Variants in SNX29 observed in about 807,000 individuals in gnomAD.
SNX29 encodes the protein sorting nexin-29.
SNX29 carries 78 observed loss-of-function variants against 102.1 expected under a neutral mutation model. The observed-to-expected ratio is 0.76, with a 90% CI of 0.64 to 0.92. The LOEUF (loss-of-function observed/expected upper bound fraction) is 0.92. Among genes scored for constraint, SNX29 ranks in the 40% least tolerant of loss-of-function variants. The pLI is 0.00. For missense variants in SNX29, 1,280 were observed against 1,061.7 expected, an observed-to-expected ratio of 1.21 and a Z score of -2.86; for synonymous variants, 580 against 414.5, an observed-to-expected ratio of 1.40 and a Z score of -4.85.
At chr16:12,551,670 C>T (rs2077984821) in intron 20 of SNX29, among the ~76,000 whole-genome samples, 1 of 152,176 alleles carries the variant, frequency 6.6e-6, no homozygotes, top group African/African-American at 2.4e-5. Context: ...CGTTCCTGTG[C>T]AGTAGGATAA....
intron 14 of SNX29, among the ~76,000 whole-genome samples, chr16:12,215,826 C>T (rs1385898231): frequency 1.3e-5 from 2 of 152,198 alleles, no homozygotes; most frequent in Non-Finnish European, 2.9e-5. Context: ...CCAATTAAGC[C>T]AAGCAAGGCT....
At chr16:12,525,130 G>A (rs193046581) in intron 20 of SNX29, among the ~76,000 whole-genome samples, 5 of 152,048 alleles carry the variant, frequency 3.3e-5, no homozygotes, top group Admixed American at 6.5e-5. Context: ...TTCGATCAAG[G>A]GAAGATTAAT....
At chr16:12,527,454 A>C (rs1265298099) in intron 20 of SNX29, 6 of 428,966 alleles carry the variant, frequency 1.4e-5, no homozygotes, top group Admixed American at 3.4e-5. Flanking sequence ...TGGTTCTTTC[A>C]AATGTTGATT....
chr16:12,163,539 T>C (rs830698), intron 13 of SNX29, among the ~76,000 whole-genome samples: 63,251 of 151,940 alleles, frequency 0.42, 16,772 homozygotes, highest in African/African-American at 0.76. Context: ...GCAGCACCGA[T>C]GAATTCACAT....
chr16:12,243,693 T>G (rs1317535003), intron 14 of SNX29, among the ~76,000 whole-genome samples: 2 of 152,164 alleles, frequency 1.3e-5, no homozygotes, highest in Non-Finnish European at 2.9e-5. Context: ...GTCCATCCAT[T>G]TAGAAGACAT....
intron 17 of SNX29, among the ~76,000 whole-genome samples, chr16:12,400,484 G>T (rs1333957207): frequency 6.6e-6 from 1 of 152,164 alleles, no homozygotes; most frequent in African/African-American, 2.4e-5. Flanking sequence ...TCTAGACTCA[G>T]TGCTCTCCAC....
chr16:12,314,548 A>G (rs967731434), intron 15 of SNX29, among the ~76,000 whole-genome samples: 2 of 152,206 alleles, frequency 1.3e-5, no homozygotes, highest in Middle Eastern at 3.2e-3. Context: ...GTGAGGACTA[A>G]ATGAGTTAGT....
At chr16:12,131,116 T>C (rs895418199) in intron 13 of SNX29, among the ~76,000 whole-genome samples, 1 of 152,218 alleles carries the variant, frequency 6.6e-6, no homozygotes, top group Non-Finnish European at 1.5e-5. Flanking sequence ...TCTGCAGCAG[T>C]GTGGGAGAGG....
rs1011145541 is a variant in SNX29, at chr16:12,506,296, G to A, written c.2179-18406G>A. Among the ~76,000 whole-genome samples, 4 of 152,246 alleles carry A rather than the reference G, an allele frequency of 2.6e-5. No homozygotes were observed. In the East Asian group the frequency reaches 7.7e-4, roughly 29 times the overall value. ...ATTCTCAAACCAATCACTGTATCCA[G>A]GGGGACAACACCCTAAAAAAAAAGC... On this transcript the variant is annotated intron_variant, in intron 19 of 20. Transcript: ENST00000566228.
chr16:12,013,253 G>A (rs1024691397), intron 3 of SNX29, among the ~76,000 whole-genome samples: 3 of 151,424 alleles, frequency 2.0e-5, no homozygotes, highest in African/African-American at 7.3e-5. Context: ...TAAAGACACC[G>A]AAATTCACTA....
At chr16:12,508,529 T>G (rs1597658929) in intron 19 of SNX29, among the ~76,000 whole-genome samples, 1 of 152,244 alleles carries the variant, frequency 6.6e-6, no homozygotes, top group Non-Finnish European at 1.5e-5. Context: ...GATTTGAGAA[T>G]GGAGAGATCT....
chr16:12,204,555 T>G (rs1029567924), intron 14 of SNX29, among the ~76,000 whole-genome samples: 4 of 152,176 alleles, frequency 2.6e-5, no homozygotes, highest in African/African-American at 9.7e-5. Flanking sequence ...CATCCCCATT[T>G]AATTAATCTG....
chr16:12,552,677 G>T (rs138851447), intron 20 of SNX29, among the ~76,000 whole-genome samples: 16 of 152,330 alleles, frequency 1.1e-4, no homozygotes, highest in Middle Eastern at 3.4e-3. Context: ...CATGCAGGGC[G>T]TTTACAAGGG....
intron 19 of SNX29, among the ~76,000 whole-genome samples, chr16:12,506,149 C>T (rs140556650): frequency 3.6e-4 from 55 of 152,242 alleles, no homozygotes; most frequent in East Asian, 1.9e-3. Context: ...TTAGTAGAGA[C>T]GGAGTTTCAC....
Position 12,052,216 on chromosome 16 carries a change from C to G in SNX29, c.1118C>G (p.Pro373Arg). Residue 373 changes from proline to arginine, a missense_variant, in exon 8 of 21, where the codon CCC becomes CGC. By Grantham distance (103) the Pro-to-Arg change is moderately radical (BLOSUM62 -2). Coordinates refer to ENST00000566228, the MANE Select transcript of SNX29 (RefSeq NM_032167.5). ...AAGCACAGGGGCCACTCGGAGTCGC[C>G]CGAGAAGTAAGTTTGTGTGTAAGGT... The part of the protein sequence containing the change: ...GRKHRGHSES[P>R]EKPLEGNTCL... 6.2e-7 allele frequency: 1 copy of G among 1,613,744 alleles called. No homozygotes were observed. Among genetic ancestry groups the G allele is most frequent in the Non-Finnish European group, 8.5e-7 (1 of 1,179,820 alleles).
intron 20 of SNX29, among the ~76,000 whole-genome samples, chr16:12,559,117 A>G (rs12933260): frequency 0.21 from 31,640 of 151,922 alleles, 3,424 homozygotes; most frequent in East Asian, 0.43. Flanking sequence ...TAGTCAAATC[A>G]GGCTTGGATC....
At chr16:12,130,864 T>G (rs1274294413) in intron 13 of SNX29, among the ~76,000 whole-genome samples, 2 of 152,160 alleles carry the variant, frequency 1.3e-5, no homozygotes, top group Non-Finnish European at 2.9e-5. Context: ...GACATTTCCT[T>G]GTCTGACTGC....
In SNX29 at chr16:12,549,625, G is replaced by A. The variant is rs187442344; in HGVS notation, c.2319-18881G>A. ...ACTCCAGAGTCCTTGCCCTCCACAC[G>A]CTCTGTAAAGAGCATAGCTGCCGAA... On this transcript the variant is annotated intron_variant, in intron 20 of 20. Coordinates refer to ENST00000566228, the MANE Select transcript of SNX29 (RefSeq NM_032167.5). Among the ~76,000 whole-genome samples, 427 of 152,308 alleles carry A rather than the reference G, an allele frequency of 2.8e-3. 1 individual carries two copies. The highest frequency in any genetic ancestry group is 9.6e-3 in the African/African-American group (397 of 41,550).
At chr16:12,100,680 G>C (rs531897202) in intron 11 of SNX29, among the ~76,000 whole-genome samples, 4 of 151,536 alleles carry the variant, frequency 2.6e-5, no homozygotes, top group African/African-American at 9.7e-5. Flanking sequence ...AGAGGCCCTG[G>C]GTGGGGGTGC....
Sources: allele counts gnomAD v4.1 joint callset (sites outside exome capture counted in the v4.1 genomes callset), GRCh38; gene constraint gnomAD v4.1.1; transcripts MANE v1.5; gene names NCBI Gene and HGNC (gene_info 2026-07-23, HGNC 2026-07-21).